SLC4A2: variants seen among roughly 807,000 people sequenced by gnomAD.
SLC4A2 encodes the protein solute carrier family 4 member 2, also known as anion exchange protein 2.
In SLC4A2, 36 loss-of-function variants were observed where a neutral mutation model predicts 115.0. The observed-to-expected ratio is 0.31, with a 90% CI of 0.24 to 0.41. The LOEUF (loss-of-function observed/expected upper bound fraction) is 0.41. Among genes scored for constraint, SLC4A2 ranks in the 10% least tolerant of loss-of-function variants. The pLI is 1.00. For synonymous variants in SLC4A2, 708 were observed against 708.3 expected (o/e 1.00, Z 0.01); for missense variants, 1,252 against 1,705.6 (o/e 0.73, Z 4.68).
At position 151,071,762 on chromosome 7, in the gene SLC4A2, C is replaced by T. The variant is rs11542749; in HGVS notation, c.2265C>T (p.Cys755=). 0.032 allele frequency: 51,971 copies of T among 1,612,522 alleles called. 1,494 individuals carry two copies. Among genetic ancestry groups the T allele is most frequent in the African/African-American group, 0.15 (11,073 of 74,826 alleles). ...CAGCGCTCCAGGGCGTGGTCTTCTG[C>T]CTGCTGGGTGCCCAGCCCCTGTTGG... ...MSTALQGVVF[C]LLGAQPLLVI... The change falls in exon 15 of 23, where the codon TGC becomes TGT. Residue 755 remains cysteine, a synonymous_variant. Coordinates refer to ENST00000413384, the MANE Select transcript of SLC4A2 (RefSeq NM_003040.4). This position sits in a 1 kb window ranked among gnomAD's most constrained non-coding sequence, Gnocchi z 5.5.
Position 151,070,048 on chromosome 7 carries a change from G to GCCAA in SLC4A2, c.1251_1254dup (p.Val419GlnfsTer15). On this transcript the variant is annotated frameshift_variant, in exon 9 of 23. Transcript: ENST00000413384. LOFTEE classifies it high-confidence loss of function. ...TGACCAGATCAAGGCCGAGGACAGG[G>GCCAA]CCAACGTGCTGCGGGCTCTGCTGTT... 1 of 1,614,158 alleles carries GCCAA rather than the reference G, an allele frequency of 6.2e-7. No individual in the cohort carries two copies. The highest frequency in any genetic ancestry group is 8.5e-7 in the Non-Finnish European group (1 of 1,180,014).
intron 16 of SLC4A2, among the ~76,000 whole-genome samples, chr7:151,072,424 T>A (rs533199431): frequency 2.0e-5 from 3 of 152,190 alleles, no homozygotes; most frequent in Admixed American, 2.0e-4. Flanking sequence ...CCCAAGTAGC[T>A]GGGATTATAG....
At chr7:151,063,910 G>A (rs917785903) in intron 2 of SLC4A2, among the ~76,000 whole-genome samples, 8 of 152,022 alleles carry the variant, frequency 5.3e-5, no homozygotes, top group Non-Finnish European at 7.4e-5. Flanking sequence ...TGTGTTTTTA[G>A]TAGAGATGGG....
rs11976273 is a variant in SLC4A2, at chr7:151,070,567, T to C, written c.1560T>C (p.Leu520=). Residue 520 remains leucine, a synonymous_variant, in exon 11 of 23, where the codon CTT becomes CTC. Transcript: ENST00000413384. ...IPENAEATVV[L]VGCVEFLSRP... ...AGAATGCCGAGGCCACGGTGGTCCT[T>C]GTGGGTATGTGGGGCAGGTCACATG... The C allele has an allele frequency of 0.016, 25,976 of 1,612,326 alleles. 562 individuals are homozygous for C. Among genetic ancestry groups the C allele is most frequent in the East Asian group, 0.092 (4,103 of 44,802 alleles).
intron 2 of SLC4A2, chr7:151,063,302 G>C: frequency 3.6e-6 from 3 of 825,838 alleles, no homozygotes; most frequent in Non-Finnish European, 5.3e-6. Context: ...CATCCATTCC[G>C]GTCCCTGCGG....
chr7:151,070,418 A>C, intron 10 of SLC4A2, 39 bp from the exon 11 acceptor site: 1 of 1,611,486 alleles, frequency 6.2e-7, no homozygotes, highest in East Asian at 2.2e-5. Context: ...TCAGAGTGGG[A>C]GGGGCCTGGC....
rs576745217 is a variant in SLC4A2, at chr7:151,076,169, G to A, written c.3628G>A (p.Asp1210Asn). 4.7e-5 allele frequency: 76 copies of A among 1,610,868 alleles called. No individual in the cohort carries two copies. The South Asian group carries it at 5.6e-4, about 12-fold the overall frequency. ...RMVVLTRIFTDREMKCLDANE... is the reference protein window; with the variant it reads ...RMVVLTRIFTNREMKCLDANE... ...GGTGGTGCTCACCCGTATCTTCACC[G>A]ACCGAGAGATGAAATGTGTAAGCCC... is the stretch of plus-strand genomic sequence containing the variant. The change falls in exon 22 of 23, where the codon GAC becomes AAC. Residue 1210 changes from aspartate (D) to asparagine (N), a missense_variant. Asp to Asn is a conservative substitution (Grantham distance 23, BLOSUM62 1). Coordinates refer to ENST00000413384, the MANE Select transcript of SLC4A2 (RefSeq NM_003040.4).
chr7:151,075,634 C>G lies in SLC4A2; in HGVS notation c.3330C>G (p.Leu1110=). The G allele has an allele frequency of 1.9e-6, 3 of 1,600,348 alleles. No individual in the cohort carries two copies. The highest frequency in any genetic ancestry group is 2.6e-6 in the Non-Finnish European group (3 of 1,175,816). The change falls in exon 21 of 23, where the codon CTC becomes CTG. Residue 1110 remains leucine, a synonymous_variant. Coordinates refer to ENST00000413384, the MANE Select transcript of SLC4A2 (RefSeq NM_003040.4). ...TCTCCATAGTTATCGGGGATCTGCT[C>G]CGGCAGATCCCCCTGGCCGTGCTCT... is the stretch of plus-strand genomic sequence containing the variant. ...VGLSIVIGDL[L]RQIPLAVLFG... is the part of the protein sequence containing the mutation.
In SLC4A2 at chr7:151,075,841, C is replaced by G. The variant is rs145299281; in HGVS notation, c.3471+66C>G. On this transcript the variant is annotated intron_variant, in intron 21 of 22. Transcript: ENST00000413384. ...GCCATCCTGGTCTACTTGGGTCACT[C>G]TCCAGCTGCCCCCTCCCATCTGCCC... 141 of 1,519,516 alleles carry G rather than the reference C, an allele frequency of 9.3e-5. 1 individual carries two copies. In the East Asian group the frequency reaches 3.2e-3, roughly 35 times the overall value. 94.1% of individuals were successfully genotyped at this position (1,519,516 alleles called of 1,614,324 possible).
chr7:151,062,963 G>A (rs1797102683), intron 2 of SLC4A2: 1 of 1,408,550 alleles, frequency 7.1e-7, no homozygotes. Context: ...CCGCTATGGA[G>A]GGGGCTGCAT....
chr7:151,067,977 C>T lies in SLC4A2; in HGVS notation c.1070C>T (p.Thr357Ile). The T allele has an allele frequency of 6.2e-7, 1 of 1,609,494 alleles. No homozygotes were observed. Among genetic ancestry groups the T allele is most frequent in the Non-Finnish European group, 8.5e-7 (1 of 1,178,502 alleles). ...TTTGAAGAGGACGTGGAGGAGGAGA[C>T]TGAGCGCTGGGGGAAGCCCCACGTG... ...IKFEEDVEEE[T>I]ERWGKPHVAS... The change falls in exon 8 of 23, where the codon ACT becomes ATT. Residue 357 changes from threonine (T) to isoleucine (I), a missense_variant. Physicochemically the swap from Thr to Ile is moderately conservative, Grantham distance 89. Transcript: ENST00000413384.
Position 151,074,706 on chromosome 7 carries a change from C to T in SLC4A2, c.2912C>T (p.Thr971Ile), listed in dbSNP as rs1443245584. 6.2e-7 allele frequency: 1 copy of T among 1,605,152 alleles called. No individual in the cohort carries two copies. Among genetic ancestry groups the T allele is most frequent in the South Asian group, 1.1e-5 (1 of 90,760 alleles). Reference sequence around the variant, plus strand: ...AGCGTTCCCAGTGGATTCTCGGTGACTGCCCCAGAAAAGAGGGGCTGGGTC... The same window carrying T: ...AGCGTTCCCAGTGGATTCTCGGTGATTGCCCCAGAAAAGAGGGGCTGGGTC... ...KLSVPSGFSV[T>I]APEKRGWVIN... The change falls in exon 19 of 23, where the codon ACT (threonine) becomes ATT (isoleucine). Residue 971 changes from threonine (T) to isoleucine (I), a missense_variant. Transcript: ENST00000413384.
intron 3 of SLC4A2, 78 bp downstream of exon 3, chr7:151,064,445 T>C: frequency 6.7e-7 from 1 of 1,483,566 alleles, no homozygotes. Flanking sequence ...GGGGTCCTAG[T>C]GGGAGGAGTG....
chr7:151,064,773 C>A lies in SLC4A2; in HGVS notation c.459+6C>A, dbSNP rs1337989397. 2 of 1,607,344 alleles carry A rather than the reference C, an allele frequency of 1.2e-6. No homozygotes were observed. The highest frequency in any genetic ancestry group is 3.3e-5 in the Admixed American group (2 of 59,764). On this transcript the variant is annotated splice_donor_region_variant and intron_variant, in intron 4 of 22. Coordinates refer to ENST00000413384, the MANE Select transcript of SLC4A2 (RefSeq NM_003040.4). The stretch of plus-strand genomic sequence containing the variant: ...CCACACCCTCCTCGGTGCAGGTGCG[C>A]TGGGTGCGGGCTCCTAGGGCATGTC...
chr7:151,065,617 G>A (rs3793337), intron 5 of SLC4A2, among the ~76,000 whole-genome samples: 30,320 of 152,218 alleles, frequency 0.2, 3,135 homozygotes, highest in South Asian at 0.28. Flanking sequence ...GCCAGGCAGC[G>A]TGAAGGGCTG....
At position 151,066,849 on chromosome 7, in the gene SLC4A2, A is replaced by T; in HGVS notation, c.824-2A>T. 6.2e-7 allele frequency: 1 copy of T among 1,610,994 alleles called. No individual in the cohort carries two copies. On this transcript the variant is annotated splice_acceptor_variant, in intron 6 of 22. Coordinates refer to ENST00000413384, the MANE Select transcript of SLC4A2 (RefSeq NM_003040.4). LOFTEE classifies it high-confidence loss of function. ...CCCAACCTTGGTCCTCTGCCCCCAC[A>T]GGTCACCGGTTTGAGGACGTTCCTG... is the stretch of plus-strand genomic sequence containing the variant.
At chr7:151,066,263 C>T (rs868524730) in intron 5 of SLC4A2, among the ~76,000 whole-genome samples, 32 of 152,368 alleles carry the variant, frequency 2.1e-4, no homozygotes, top group African/African-American at 7.7e-4. Context: ...AGTTGACGTT[C>T]GCAGTGGCCG....
At chr7:151,062,092 G>T in intron 2 of SLC4A2, 54 bp downstream of exon 2, 1 of 1,516,498 alleles carries the variant, frequency 6.6e-7, no homozygotes. Context: ...GGCAGCCTTG[G>T]GTGCTCCGGC....
rs1369997070 is a variant in SLC4A2, at chr7:151,069,952, G to A, written c.1153G>A (p.Val385Met). ...ELRRTLAHGA[V>M]LLDLDQQTLP... ...TCTGTGCCATCTTATGCTAGGGGCT[G>A]TGCTCTTGGATCTGGACCAGCAGAC... The change falls in exon 9 of 23, where the codon GTG (valine) becomes ATG (methionine). Residue 385 changes from valine (V) to methionine (M), a missense_variant. Val to Met is a conservative substitution (Grantham distance 21). Around this residue, in one of 14 missense-constraint regions of SLC4A2, gnomAD observed 142 missense variants for 153.5 expected, o/e 0.93. Coordinates refer to ENST00000413384, the MANE Select transcript of SLC4A2 (RefSeq NM_003040.4). 8 of 1,613,814 alleles carry A rather than the reference G, an allele frequency of 5.0e-6. No individual in the cohort carries two copies. Among genetic ancestry groups the A allele is most frequent in the Non-Finnish European group, 6.8e-6 (8 of 1,180,040 alleles).
Sources: gnomAD v4.1 joint callset for allele counts (sites outside exome capture counted in the v4.1 genomes callset) on GRCh38, gnomAD v4.1.1 for gene constraint, gnomAD v4.1.1 regional missense constraint, Gnocchi (gnomAD v3.1) non-coding constraint, MANE v1.5 for transcripts, NCBI Gene and HGNC (gene_info 2026-07-23, HGNC 2026-07-21) for gene names.